The following WNK2 variants were observed in gnomAD, a reference collection of about 807,000 sequenced individuals.
WNK2 encodes serine/threonine-protein kinase WNK2.
WNK2 carries 67 observed loss-of-function variants against 192.1 expected under a neutral mutation model. The observed-to-expected ratio is 0.35, with a 90% CI of 0.29 to 0.43. The LOEUF (loss-of-function observed/expected upper bound fraction) is 0.43, where lower values mean the gene tolerates loss of function less well. Among genes scored for constraint, WNK2 ranks in the 20% least tolerant of loss-of-function variants. The probability of loss-of-function intolerance (pLI) is 1.00; values close to 1 mark genes in which losing one functional copy is unlikely to be tolerated. For missense variants in WNK2, 2,698 were observed against 3,089.7 expected, an observed-to-expected ratio of 0.87 and a Z score of 3.01; for synonymous variants, 1,439 against 1,393.9, an observed-to-expected ratio of 1.03 and a Z score of -0.72.
chr9:93,290,979 C>T (rs953604400), intron 21 of WNK2, among the ~76,000 whole-genome samples: 31 of 152,370 alleles, frequency 2.0e-4, no homozygotes, highest in South Asian at 6.2e-4. Context: ...AGCCTCCTAA[C>T]GGAAACCTCA....
In WNK2 at chr9:93,309,659, A is replaced by C. The variant is rs140962131; in HGVS notation, c.6516+1075A>C. Among the ~76,000 whole-genome samples the C allele has an allele frequency of 3.8e-4, 58 of 151,990 alleles. 1 individual carries two copies. The highest frequency in any genetic ancestry group is 1.4e-3 in the African/African-American group (57 of 41,432). On this transcript the variant is annotated intron_variant, in intron 28 of 29. Transcript: ENST00000427277. ...TTATGCAATCTCCTTAGGGGTGTAC[A>C]TTTTATTAGCCTATTCAAAGAACAC... is the stretch of plus-strand genomic sequence containing the variant.
At chr9:93,234,413 C>G (rs1839454279) in intron 4 of WNK2, among the ~76,000 whole-genome samples, 1 of 152,176 alleles carries the variant, frequency 6.6e-6, no homozygotes, top group African/African-American at 2.4e-5. Context: ...TCTTTCTGCT[C>G]CAGGGTTTCT....
At chr9:93,214,107 T>C (rs1403611281) in intron 2 of WNK2, among the ~76,000 whole-genome samples, 2 of 152,264 alleles carry the variant, frequency 1.3e-5, no homozygotes, top group East Asian at 3.9e-4. Context: ...TTCTTGCGTT[T>C]CCAAACGTCT....
intron 19 of WNK2, among the ~76,000 whole-genome samples, chr9:93,273,713 A>AT (rs1846331053): frequency 6.6e-6 from 1 of 152,198 alleles, no homozygotes; most frequent in African/African-American, 2.4e-5. Context: ...AAAACAATAC[A>AT]TTTTTCAAGT....
chr9:93,256,640 C>A, intron 10 of WNK2, 186 bp downstream of exon 10: 1 of 725,444 alleles, frequency 1.4e-6, no homozygotes, highest in Non-Finnish European at 2.2e-6. Context: ...TGTGTGTGTA[C>A]GTGTGTGTGT....
intron 13 of WNK2, 52 bp downstream of exon 13, chr9:93,262,159 G>A (rs1169382218): frequency 6.6e-6 from 10 of 1,521,838 alleles, no homozygotes; most frequent in East Asian, 2.3e-5. Context: ...TGCGGCCACC[G>A]GGGATCTGCA....
Position 93,268,678 on chromosome 9 carries a change from C to T in WNK2, c.3965C>T (p.Pro1322Leu), listed in dbSNP as rs1845553323. ...ATCATCTGTCCGGTGGCTGAGCACC[C>T]CGCCCCCGAGGCCCCTGAATCTTCG... ...WFIICPVAEH[P>L]APEAPESSPP... Residue 1322 changes from proline (P) to leucine (L), a missense_variant, in exon 19 of 30, where the codon CCC becomes CTC. Transcript: ENST00000427277. The T allele has an allele frequency of 3.1e-6, 5 of 1,613,502 alleles. No individual in the cohort carries two copies. The highest frequency in any genetic ancestry group is 3.4e-6 in the Non-Finnish European group (4 of 1,179,814).
chr9:93,286,238 C>T (rs1214963992), intron 19 of WNK2, among the ~76,000 whole-genome samples: 1 of 152,192 alleles, frequency 6.6e-6, no homozygotes, highest in Non-Finnish European at 1.5e-5. Context: ...AGGCGAGTCA[C>T]GGAGCGAGAG....
At position 93,304,972 on chromosome 9, in the gene WNK2, G is replaced by T. The variant is rs937299568; in HGVS notation, c.6215-1805G>T. Among the ~76,000 whole-genome samples the T allele has an allele frequency of 4.6e-5, 7 of 152,322 alleles. 1 individual carries two copies. Among genetic ancestry groups the T allele is most frequent in the Admixed American group, 1.3e-4 (2 of 15,308 alleles). On this transcript the variant is annotated intron_variant, in intron 26 of 29. Transcript: ENST00000427277. ...GGCCAGGGTTGCTCCCTGGCTCTGA[G>T]CAGGTGCCGTGTCCTCCAGACACTC...
intron 2 of WNK2, among the ~76,000 whole-genome samples, chr9:93,215,359 C>T (rs1835555943): frequency 6.6e-6 from 1 of 152,162 alleles, no homozygotes; most frequent in Non-Finnish European, 1.5e-5. Flanking sequence ...ATCCACCCAC[C>T]TCGGCCTCCC....
rs147196995 is a variant in WNK2 at position 93,262,443 on chromosome 9, G to T, written c.3361-227G>T. Among the ~76,000 whole-genome samples the T allele has an allele frequency of 3.3e-3, 499 of 152,358 alleles. 5 individuals are homozygous for T. Among genetic ancestry groups the T allele is most frequent in the African/African-American group, 0.011 (477 of 41,586 alleles). On this transcript the variant is annotated intron_variant, in intron 13 of 29. Coordinates refer to ENST00000427277, the MANE Select transcript of WNK2 (RefSeq NM_006648.4). ...AAAGGAAGTGGCTCCCAGCTTTTAT[G>T]AATACACTCGGGTCCAAGCGTTTCA...
intron 7 of WNK2, among the ~76,000 whole-genome samples, chr9:93,243,386 C>T (rs974911047): frequency 7.9e-5 from 12 of 152,192 alleles, no homozygotes; most frequent in African/African-American, 2.9e-4. Context: ...AAGTCCCCGT[C>T]CCTGGCAGTT....
At chr9:93,280,909 A>G (rs564422212) in intron 19 of WNK2, among the ~76,000 whole-genome samples, 8 of 152,242 alleles carry the variant, frequency 5.3e-5, no homozygotes, top group African/African-American at 1.9e-4. Context: ...AAAGGAATCA[A>G]TTGTTGATAC....
intron 8 of WNK2, among the ~76,000 whole-genome samples, chr9:93,249,630 C>T (rs867173571): frequency 7.9e-5 from 12 of 152,070 alleles, no homozygotes; most frequent in Admixed American, 5.2e-4. Flanking sequence ...CCTGCTATCA[C>T]GCCCAGCTAA....
At position 93,299,114 on chromosome 9, in the gene WNK2, GC is replaced by G; in HGVS notation, c.5971del (p.Gln1991LysfsTer13). The G allele has an allele frequency of 6.2e-7, 1 of 1,611,704 alleles. No homozygotes were observed. Among genetic ancestry groups the G allele is most frequent in the Admixed American group, 1.7e-5 (1 of 59,982 alleles). ...SSRGPPAKDPAQASVGLTADS... is the reference protein window; with the variant it reads ...SSRGPPAKDPXQASVGLTADS... ...CAGAGGCCCTCCCGCTAAGGACCCT[GC>G]CCAAGCCAGTGTGGGGCTCACTGCA... On this transcript the variant is annotated frameshift_variant, in exon 25 of 30. Coordinates refer to ENST00000427277, the MANE Select transcript of WNK2 (RefSeq NM_006648.4). LOFTEE classifies it high-confidence loss of function.
chr9:93,247,438 G>C lies in WNK2; in HGVS notation c.1543-105G>C. ...ATTCAGTGGCAGTGGGATGGCGAGC[G>C]TGTCCTGCGTGGATGAGCCAGTGAT... On this transcript the variant is annotated intron_variant, in intron 7 of 29. Coordinates refer to ENST00000427277, the MANE Select transcript of WNK2 (RefSeq NM_006648.4). This position sits in a 1 kb window ranked among gnomAD's most constrained non-coding sequence, Gnocchi z 5.2. The C allele has an allele frequency of 8.5e-6, 11 of 1,296,942 alleles. No individual in the cohort carries two copies. Among genetic ancestry groups the C allele is most frequent in the Non-Finnish European group, 1.2e-5 (11 of 929,282 alleles). The allele number at this position is 1,296,942 out of a possible 1,614,324, so 80.3% of individuals were successfully genotyped here. A position where few individuals can be genotyped will look rare whatever the true frequency, so the allele number is the denominator to read the frequency against.
intron 2 of WNK2, among the ~76,000 whole-genome samples, chr9:93,226,907 A>G (rs1033182946): frequency 3.3e-5 from 5 of 152,016 alleles, no homozygotes; most frequent in Non-Finnish European, 5.9e-5. Flanking sequence ...TCTATGATGA[A>G]TTATGCTGCT....
Position 93,257,888 on chromosome 9 carries a change from G to C in WNK2, c.2382+749G>C, listed in dbSNP as rs1261589976. The stretch of plus-strand genomic sequence containing the variant: ...CCGGGGCCAGGGCACCATTGCCCAG[G>C]TAAATGGCATGGAGGATTCTAGGTA... On this transcript the variant is annotated intron_variant, in intron 11 of 29. Coordinates refer to ENST00000427277, the MANE Select transcript of WNK2 (RefSeq NM_006648.4). This position sits in a 1 kb window ranked among gnomAD's most constrained non-coding sequence, Gnocchi z 4.7. Among the ~76,000 whole-genome samples the C allele has an allele frequency of 6.6e-6, 1 of 152,220 alleles. No individual in the cohort carries two copies. Among genetic ancestry groups the C allele is most frequent in the Non-Finnish European group, 1.5e-5 (1 of 68,036 alleles).
intron 2 of WNK2, among the ~76,000 whole-genome samples, chr9:93,224,520 T>C (rs1403659726): frequency 6.6e-6 from 1 of 152,232 alleles, no homozygotes; most frequent in African/African-American, 2.4e-5. Flanking sequence ...CCACCCTGGC[T>C]GTGTGACTCG....
Sources: gnomAD v4.1 joint callset for allele counts (sites outside exome capture counted in the v4.1 genomes callset) on GRCh38, gnomAD v4.1.1 for gene constraint, Gnocchi (gnomAD v3.1) non-coding constraint, MANE v1.5 for transcripts, NCBI Gene and HGNC (gene_info 2026-07-23, HGNC 2026-07-21) for gene names.